Variants in ARL15 observed in about 807,000 individuals in gnomAD.
ARL15 encodes ARF like GTPase 15.
In ARL15, 19 loss-of-function variants were observed where a neutral mutation model predicts 25.2. The ratio of observed to expected loss-of-function variants is 0.75; its 90% CI spans 0.53 to 1.10. The LOEUF (loss-of-function observed/expected upper bound fraction) is 1.10, where lower values mean the gene tolerates loss of function less well. ARL15 is among the 50% of genes least tolerant of loss of function. The probability of loss-of-function intolerance (pLI) is 0.00; values close to 1 mark genes in which losing one functional copy is unlikely to be tolerated. For synonymous variants in ARL15, 94 were observed against 86.8 expected, an observed-to-expected ratio of 1.08 and a Z score of -0.46; for missense variants, 220 against 246.0, an observed-to-expected ratio of 0.89 and a Z score of 0.71.
At chr5:54,030,063 T>C (rs1749927727) in intron 4 of ARL15, among the ~76,000 whole-genome samples, 1 of 152,122 alleles carries the variant, frequency 6.6e-6, no homozygotes, top group Non-Finnish European at 1.5e-5. Flanking sequence ...TAGTCTCAGC[T>C]ACTTGGGAGG....
chr5:54,270,544 A>G (rs772693136), intron 1 of ARL15, among the ~76,000 whole-genome samples: 22 of 152,226 alleles, frequency 1.4e-4, no homozygotes, highest in Non-Finnish European at 8.8e-5. Flanking sequence ...TCATGCATTC[A>G]TTCCACAAAC....
rs777702141 is a variant in ARL15 at position 54,310,548 on chromosome 5, G to T, written c.-69C>A. ...AAAAGCAGCGTCTCTGGCTGCGAGCGAGCAGCTCCTGAAAAAGCCAGCAAC... is the reference window on the plus strand; with the variant it reads ...AAAAGCAGCGTCTCTGGCTGCGAGCTAGCAGCTCCTGAAAAAGCCAGCAAC... On this transcript the variant is annotated 5_prime_UTR_variant, in exon 1 of 5. Transcript: ENST00000504924. The T allele has an allele frequency of 3.3e-6, 5 of 1,514,560 alleles. No individual in the cohort carries two copies. The highest frequency in any genetic ancestry group is 1.7e-4 in the Middle Eastern group (1 of 5,786). 93.8% of individuals were successfully genotyped at this position (1,514,560 alleles called of 1,614,324 possible).
chr5:54,090,427 C>CA lies in ARL15; in HGVS notation c.462+22774dup, dbSNP rs1201384300. Among the ~76,000 whole-genome samples the CA allele has an allele frequency of 9.8e-3, 1,156 of 118,148 alleles. 7 individuals carry two copies. Among genetic ancestry groups the CA allele is most frequent in the South Asian group, 0.023 (87 of 3,820 alleles). The allele number at this position is 118,148 out of a possible 152,430, so 77.5% of individuals were successfully genotyped here. A position where few individuals can be genotyped will look rare whatever the true frequency, so the allele number is the denominator to read the frequency against. On this transcript the variant is annotated intron_variant, in intron 4 of 4. Transcript: ENST00000504924. ...TATGGGTGGCAGAAGTATTGAAAAG[C>CA]AAAAAAAAAGAAACAGGCAACACAA...
At chr5:53,932,970 C>T (rs1049496008) in intron 4 of ARL15, among the ~76,000 whole-genome samples, 1 of 152,144 alleles carries the variant, frequency 6.6e-6, no homozygotes, top group African/African-American at 2.4e-5. Context: ...TGCAATAGGG[C>T]TTAATTGAAA....
At chr5:54,080,547 G>C (rs973648340) in intron 4 of ARL15, among the ~76,000 whole-genome samples, 16 of 152,042 alleles carry the variant, frequency 1.1e-4, no homozygotes, top group African/African-American at 3.9e-4. Context: ...GAAGAAAAAG[G>C]CCTAACGTTT....
intron 4 of ARL15, among the ~76,000 whole-genome samples, chr5:53,995,233 G>A (rs193131720): frequency 2.2e-3 from 335 of 150,158 alleles, no homozygotes; most frequent in Non-Finnish European, 3.9e-3. Context: ...GCTTGAACCC[G>A]GGAAGTGGAG....
intron 4 of ARL15, among the ~76,000 whole-genome samples, chr5:53,891,443 G>A (rs958237889): frequency 5.9e-5 from 9 of 152,158 alleles, no homozygotes; most frequent in African/African-American, 2.2e-4. Context: ...TGAGTTAGAT[G>A]CCATGGGCAA....
rs559571103 is a variant in ARL15, at chr5:54,250,838, C to CA, written c.48+59593dup. On this transcript the variant is annotated intron_variant, in intron 1 of 4. Transcript: ENST00000504924. Reference sequence around the variant, plus strand: ...CCAGCTCTGGAGAGATCTAGACTTACAAGTAGGCACAGTGAAGGTCACTAG... The same window carrying CA: ...CCAGCTCTGGAGAGATCTAGACTTACAAAGTAGGCACAGTGAAGGTCACTAG... 9.6e-4 allele frequency among the ~76,000 whole-genome samples: 146 copies of CA among 152,256 alleles called. 1 individual carries two copies. The South Asian group carries it at 0.03, about 32-fold the overall frequency.
intron 2 of ARL15, among the ~76,000 whole-genome samples, chr5:54,158,318 G>C (rs1380337819): frequency 6.6e-6 from 1 of 152,122 alleles, no homozygotes; most frequent in African/African-American, 2.4e-5. Flanking sequence ...GAACTAGACT[G>C]ATTTTTCTGA....
chr5:53,910,636 TA>T (rs35505921), intron 4 of ARL15, among the ~76,000 whole-genome samples: 6,853 of 108,846 alleles, frequency 0.063, 276 homozygotes, highest in Non-Finnish European at 0.086. Flanking sequence ...AAAAAAATTA[TA>T]TATATATATA....
chr5:53,896,517 G>C (rs369732074), intron 4 of ARL15, among the ~76,000 whole-genome samples: 1 of 150,814 alleles, frequency 6.6e-6, no homozygotes. Flanking sequence ...CTTTTGAGAC[G>C]GAATCTCACT....
chr5:54,144,843 T>C (rs1316090878), intron 3 of ARL15, among the ~76,000 whole-genome samples: 4 of 152,128 alleles, frequency 2.6e-5, no homozygotes, highest in Admixed American at 6.6e-5. Context: ...AGTTTGTGGG[T>C]AAACACAGCT....
chr5:54,106,130 G>A lies in ARL15; in HGVS notation c.462+7072C>T, dbSNP rs183348248. On this transcript the variant is annotated intron_variant, in intron 4 of 4. Coordinates refer to ENST00000504924, the MANE Select transcript of ARL15 (RefSeq NM_019087.3). ...AGTCCACAAATAGACAAACACAAAT[G>A]TAGAAACATAAAATCAAACATTTGT... is the stretch of plus-strand genomic sequence containing the variant. 4.0e-3 allele frequency among the ~76,000 whole-genome samples: 603 copies of A among 152,224 alleles called. 3 individuals carry two copies. Among genetic ancestry groups the A allele is most frequent in the African/African-American group, 0.014 (574 of 41,550 alleles).
At chr5:54,267,553 AG>A (rs1400668116) in intron 1 of ARL15, among the ~76,000 whole-genome samples, 1 of 152,210 alleles carries the variant, frequency 6.6e-6, no homozygotes, top group Non-Finnish European at 1.5e-5. Flanking sequence ...ATAAATATCC[AG>A]ATTTATAAAT....
chr5:54,073,576 A>G (rs1434796905), intron 4 of ARL15, among the ~76,000 whole-genome samples: 1 of 152,164 alleles, frequency 6.6e-6, no homozygotes, highest in African/African-American at 2.4e-5. Context: ...AGTAAACAAT[A>G]TAACACTCTG....
intron 4 of ARL15, among the ~76,000 whole-genome samples, chr5:54,060,130 A>C (rs1207463376): frequency 1.6e-5 from 1 of 64,388 alleles, no homozygotes; most frequent in Non-Finnish European, 2.8e-5. Context: ...TCTGATGACT[A>C]AAAAAAAAAA....
rs35007 is a variant in ARL15, at chr5:54,170,549, C to T, written c.193+1235G>A. 1.1e-3 allele frequency among the ~76,000 whole-genome samples: 162 copies of T among 152,322 alleles called. 4 individuals are homozygous for T. In the East Asian group the frequency reaches 0.026, roughly 24 times the overall value. ...ATTAAACATACACTGCAGCCACACA[C>T]AAATGCAGTTTCTAGGAGTTGCCAA... On this transcript the variant is annotated intron_variant, in intron 2 of 4. Transcript: ENST00000504924.
At chr5:53,910,633 T>TTATATGTATATATA (rs1745420871) in intron 4 of ARL15, among the ~76,000 whole-genome samples, 1 of 55,018 alleles carries the variant, frequency 1.8e-5, no homozygotes, top group Non-Finnish European at 3.4e-5. Flanking sequence ...TAAAAAAAAA[T>TTATATGTATATATA]TATATATATA....
chr5:53,968,483 A>G (rs2112173695), intron 4 of ARL15, among the ~76,000 whole-genome samples: 1 of 152,294 alleles, frequency 6.6e-6, no homozygotes, highest in South Asian at 2.1e-4. Flanking sequence ...ATAATTTCAT[A>G]GCCAAATCAA....
Sources: allele counts gnomAD v4.1 joint callset (sites outside exome capture counted in the v4.1 genomes callset), GRCh38; gene constraint gnomAD v4.1.1; transcripts MANE v1.5; gene names NCBI Gene and HGNC (gene_info 2026-07-23, HGNC 2026-07-21).